NFIA: variants seen among roughly 807,000 people sequenced by gnomAD.
NFIA encodes nuclear factor I A, also known as nuclear factor 1 A-type.
NFIA carries 8 observed loss-of-function variants against 62.8 expected under a neutral mutation model. The observed-to-expected ratio is 0.13, with a 90% CI of 0.07 to 0.23. The LOEUF is 0.23. Ranked by LOEUF, NFIA falls within the 10% of genes least tolerant of loss-of-function variation. The pLI is 1.00. For synonymous variants in NFIA, 235 were observed against 238.1 expected (o/e 0.99, Z 0.12); for missense variants, 410 against 642.1 (o/e 0.64, Z 3.91).
chr1:61,320,227 T>C (rs1660610086), intron 3 of NFIA, among the ~76,000 whole-genome samples: 1 of 152,170 alleles, frequency 6.6e-6, no homozygotes, highest in South Asian at 2.1e-4. Flanking sequence ...TAATTCATTC[T>C]GTTACATTTC....
chr1:61,343,205 T>A (rs1662021742), intron 4 of NFIA, among the ~76,000 whole-genome samples: 1 of 152,216 alleles, frequency 6.6e-6, no homozygotes, highest in South Asian at 2.1e-4. Flanking sequence ...GATCTAAGAC[T>A]GAGCTTATTT....
At chr1:61,412,609 G>C (rs1666155372) in intron 9 of NFIA, among the ~76,000 whole-genome samples, 1 of 152,200 alleles carries the variant, frequency 6.6e-6, no homozygotes, top group Non-Finnish European at 1.5e-5. Context: ...GTGGAGATCA[G>C]AAGTTCGGTT....
intron 2 of NFIA, among the ~76,000 whole-genome samples, chr1:61,155,643 G>A (rs1648757670): frequency 2.3e-5 from 3 of 129,882 alleles, no homozygotes; most frequent in South Asian, 2.5e-4. Context: ...ACTGCAGTCC[G>A]CAGTCCGGCC....
chr1:61,129,698 C>T (rs1416960283), intron 2 of NFIA, among the ~76,000 whole-genome samples: 1 of 152,070 alleles, frequency 6.6e-6, no homozygotes, highest in South Asian at 2.1e-4. Context: ...GATCCGCCCA[C>T]CTCAGCCTCC....
rs187151978 is a variant in NFIA, at chr1:61,208,747, C to A, written c.560-68773C>A. On this transcript the variant is annotated intron_variant, in intron 2 of 10. Coordinates refer to ENST00000403491, the MANE Select transcript of NFIA (RefSeq NM_001134673.4). ...AACAAGGTTGTCCTGGCATTTCTTC[C>A]TACTGTTAATTTTCACAAAATATGA... 2.0e-5 allele frequency among the ~76,000 whole-genome samples: 3 copies of A among 152,104 alleles called. 1 individual carries two copies. The highest frequency in any genetic ancestry group is 2.4e-5 in the African/African-American group (1 of 41,410).
intron 2 of NFIA, among the ~76,000 whole-genome samples, chr1:61,145,662 T>C (rs1380331266): frequency 6.6e-6 from 1 of 152,154 alleles, no homozygotes; most frequent in East Asian, 1.9e-4. Context: ...GTGTTGAGCC[T>C]AGGGTGGTGT....
chr1:61,216,898 G>T (rs1467208873), intron 2 of NFIA, among the ~76,000 whole-genome samples: 1 of 151,872 alleles, frequency 6.6e-6, no homozygotes. Flanking sequence ...TACCCGGGAG[G>T]CTGAGGCAGG....
At chr1:61,264,654 A>C (rs1467933682) in intron 2 of NFIA, among the ~76,000 whole-genome samples, 1 of 48,518 alleles carries the variant, frequency 2.1e-5, no homozygotes, top group African/African-American at 1.9e-4. Context: ...TCCACCTTAC[A>C]AAAAAAAAAA....
intron 2 of NFIA, among the ~76,000 whole-genome samples, chr1:61,255,034 A>C (rs1656290956): frequency 6.6e-6 from 1 of 152,186 alleles, no homozygotes; most frequent in South Asian, 2.1e-4. Context: ...GTCCAAATTG[A>C]AAGAAGCCCA....
intron 2 of NFIA, among the ~76,000 whole-genome samples, chr1:61,128,287 G>A (rs900187164): frequency 6.6e-6 from 1 of 151,934 alleles, no homozygotes; most frequent in African/African-American, 2.4e-5. Context: ...AAGAACAGTG[G>A]ACCGCAGTGA....
At chr1:61,283,581 CAAAAAAAAAA>C (rs576613886) in intron 3 of NFIA, among the ~76,000 whole-genome samples, 32 of 36,688 alleles carry the variant, frequency 8.7e-4, no homozygotes, top group East Asian at 5.5e-3. Context: ...GACTCTGTCT[CAAAAAAAAAA>C]AAAAAAAAAA....
chr1:61,289,348 A>G (rs1658717011), intron 3 of NFIA, among the ~76,000 whole-genome samples: 1 of 152,180 alleles, frequency 6.6e-6, no homozygotes, highest in Admixed American at 6.5e-5. Context: ...TGAGTTCTAT[A>G]TTCATGATCT....
At chr1:61,101,484 A>T (rs539889156) in intron 2 of NFIA, among the ~76,000 whole-genome samples, 1 of 151,944 alleles carries the variant, frequency 6.6e-6, no homozygotes, top group South Asian at 2.1e-4. Flanking sequence ...TATTTTTTTT[A>T]AAGGGCATCC....
chr1:61,082,949 T>G (rs1371204150), intron 1 of NFIA, 131 bp downstream of exon 1: 5 of 525,718 alleles, frequency 9.5e-6, no homozygotes, highest in Non-Finnish European at 1.2e-5. Context: ...TGTCTGTGTC[T>G]GCGCGTGTTT....
At chr1:61,172,407 A>G (rs950576353) in intron 2 of NFIA, among the ~76,000 whole-genome samples, 3 of 152,196 alleles carry the variant, frequency 2.0e-5, no homozygotes, top group Non-Finnish European at 2.9e-5. Context: ...AAGTTTATTT[A>G]TAATTGGTTT....
intron 4 of NFIA, among the ~76,000 whole-genome samples, chr1:61,333,444 G>A (rs1661417736): frequency 6.6e-6 from 1 of 152,086 alleles, no homozygotes; most frequent in Admixed American, 6.6e-5. Flanking sequence ...AGCCATCCTG[G>A]TCCCAAAATC....
At chr1:61,320,665 A>G (rs1343422282) in intron 3 of NFIA, among the ~76,000 whole-genome samples, 2 of 152,138 alleles carry the variant, frequency 1.3e-5, no homozygotes, top group Admixed American at 6.6e-5. Flanking sequence ...GCCCCTGGCT[A>G]TCTACTTTCA....
intron 7 of NFIA, among the ~76,000 whole-genome samples, chr1:61,394,204 T>A (rs1488332442): frequency 6.6e-6 from 1 of 152,162 alleles, no homozygotes; most frequent in East Asian, 1.9e-4. Context: ...GACAGAGTCT[T>A]GCTCTGTTGC....
intron 2 of NFIA, among the ~76,000 whole-genome samples, chr1:61,265,963 C>T (rs185812221): frequency 6.6e-6 from 1 of 152,176 alleles, no homozygotes; most frequent in Non-Finnish European, 1.5e-5. Context: ...CACTTATGAT[C>T]AGCAGCAAAT....
Sources: allele counts gnomAD v4.1 joint callset (sites outside exome capture counted in the v4.1 genomes callset), GRCh38; gene constraint gnomAD v4.1.1; transcripts MANE v1.5; gene names NCBI Gene and HGNC (gene_info 2026-07-23, HGNC 2026-07-21).